UMODL1: variants seen among roughly 807,000 people sequenced by gnomAD.
UMODL1 encodes uromodulin like 1, also known as uromodulin-like 1.
In UMODL1, 128 loss-of-function variants were observed where a neutral mutation model predicts 136.3. The observed-to-expected ratio is 0.94, with a 90% CI of 0.81 to 1.09. The LOEUF is 1.09. UMODL1 is among the 50% of genes least tolerant of loss of function. The pLI, the probability that UMODL1 is intolerant of heterozygous loss-of-function variation, is 0.00. For synonymous variants in UMODL1, 721 were observed against 720.0 expected (o/e 1.00, Z -0.02); for missense variants, 1,766 against 1,725.6 (o/e 1.02, Z -0.41).
intron 17 of UMODL1, among the ~76,000 whole-genome samples, chr21:42,124,798 AG>A (rs2123356376): frequency 6.6e-6 from 1 of 152,248 alleles, no homozygotes; most frequent in Admixed American, 6.5e-5. Context: ...TTCTAAAAAA[AG>A]GGATTGGTTG....
At chr21:42,090,942 T>C (rs1001412619) in intron 6 of UMODL1, among the ~76,000 whole-genome samples, 5 of 152,342 alleles carry the variant, frequency 3.3e-5, no homozygotes, top group African/African-American at 1.2e-4. Flanking sequence ...ATTAAATGAG[T>C]GCCGGCAGTG....
chr21:42,086,897 C>T (rs1417507723), intron 4 of UMODL1, among the ~76,000 whole-genome samples: 2 of 152,184 alleles, frequency 1.3e-5, no homozygotes, highest in African/African-American at 2.4e-5. Flanking sequence ...ACTCAGGAGG[C>T]GGAGGTTGCA....
At chr21:42,103,287 T>G in intron 8 of UMODL1, 1 of 205,702 alleles carries the variant, frequency 4.9e-6, no homozygotes, top group Non-Finnish European at 1.0e-5. Context: ...AGGAATCTGG[T>G]TTTCAATGTT....
At chr21:42,092,601 T>C (rs2066505080) in intron 6 of UMODL1, among the ~76,000 whole-genome samples, 1 of 152,246 alleles carries the variant, frequency 6.6e-6, no homozygotes, top group Non-Finnish European at 1.5e-5. Flanking sequence ...TTCAAGAGTC[T>C]GGAACTGTAA....
intron 2 of UMODL1, among the ~76,000 whole-genome samples, chr21:42,082,186 G>A (rs1418311674): frequency 6.6e-6 from 1 of 152,186 alleles, no homozygotes; most frequent in Non-Finnish European, 1.5e-5. Flanking sequence ...CCCTGCTCTG[G>A]CCAGCTGAGC....
Position 42,127,260 on chromosome 21 carries a change from A to T in UMODL1, c.3530+18A>T. 1.2e-6 allele frequency: 2 copies of T among 1,605,160 alleles called. No individual in the cohort carries two copies. Among genetic ancestry groups the T allele is most frequent in the South Asian group, 2.2e-5 (2 of 90,878 alleles). Reference sequence around the variant, plus strand: ...AACAACAGGTAGGGCTCAGGAGTGCAGGCACCCCCATCCAGCAATGCCTGG... The same window carrying T: ...AACAACAGGTAGGGCTCAGGAGTGCTGGCACCCCCATCCAGCAATGCCTGG... On this transcript the variant is annotated intron_variant, in intron 19 of 22. Coordinates refer to ENST00000408910, the MANE Select transcript of UMODL1 (RefSeq NM_001004416.3).
intron 20 of UMODL1, 88 bp downstream of exon 20, chr21:42,127,919 C>T: frequency 6.4e-6 from 10 of 1,563,216 alleles, no homozygotes; most frequent in Non-Finnish European, 8.8e-6. Context: ...AAACCTAGGG[C>T]TCGAGTGGCT....
At chr21:42,087,534 G>A (rs2066439997) in intron 4 of UMODL1, among the ~76,000 whole-genome samples, 1 of 152,220 alleles carries the variant, frequency 6.6e-6, no homozygotes, top group Admixed American at 6.5e-5. Flanking sequence ...CATATGAAAT[G>A]AGGAAAGTGA....
intron 13 of UMODL1, among the ~76,000 whole-genome samples, chr21:42,115,101 C>T (rs1028215800): frequency 1.3e-5 from 2 of 152,220 alleles, no homozygotes; most frequent in Non-Finnish European, 2.9e-5. Context: ...GGGAGATGGA[C>T]TCTAAGCCCC....
chr21:42,069,269 A>ACACAC (rs1171449440), upstream of UMODL1, among the ~76,000 whole-genome samples: 82 of 46,638 alleles, frequency 1.8e-3, no homozygotes, highest in East Asian at 2.4e-3. Flanking sequence ...CACACACACA[A>ACACAC]ACAGCAGGGG....
intron 21 of UMODL1, among the ~76,000 whole-genome samples, chr21:42,135,962 C>T (rs1189619610): frequency 6.6e-6 from 1 of 152,150 alleles, no homozygotes; most frequent in Non-Finnish European, 1.5e-5. Flanking sequence ...CTCAGATGCT[C>T]CTGGTTGCAC....
rs779079368 is a variant in UMODL1 at position 42,102,210 on chromosome 21, C to G, written c.1231C>G (p.Leu411Val). Reference protein sequence around the residue: ...EVTIKIVNHNLTEKLLNRSSV... With the variant: ...EVTIKIVNHNVTEKLLNRSSV... ...CACAATAAAGATTGTAAACCACAAC[C>G]TGACGGAGAAGTTACTCAACCGCAG... is the stretch of plus-strand genomic sequence containing the variant. Residue 411 changes from leucine (L) to valine (V), a missense_variant, in exon 8 of 23, where the codon CTG becomes GTG. Transcript: ENST00000408910. 2 of 1,613,828 alleles carry G rather than the reference C, an allele frequency of 1.2e-6. No individual in the cohort carries two copies. The highest frequency in any genetic ancestry group is 1.7e-5 in the Admixed American group (1 of 60,014).
At chr21:42,137,787 G>C (rs1180702250) in intron 22 of UMODL1, 146 bp downstream of exon 22, 1 of 1,019,134 alleles carries the variant, frequency 9.8e-7, no homozygotes, top group African/African-American at 1.7e-5. Context: ...TGGGGTAGGA[G>C]GTGCAGGCTG....
intron 15 of UMODL1, 172 bp from the exon 16 acceptor site, chr21:42,120,915 C>A (rs2066961459): frequency 2.7e-6 from 2 of 743,760 alleles, no homozygotes; most frequent in South Asian, 2.1e-5. Context: ...CATTCCCAGC[C>A]CCAGCTTCAG....
At chr21:42,129,936 C>T in intron 21 of UMODL1, 139 bp downstream of exon 21, 2 of 631,948 alleles carry the variant, frequency 3.2e-6, no homozygotes, top group Middle Eastern at 2.5e-4. Context: ...AACAGAAATA[C>T]TCATAGTTAG....
chr21:42,066,980 T>G (rs1305035870), upstream of UMODL1, among the ~76,000 whole-genome samples: 3 of 147,908 alleles, frequency 2.0e-5, no homozygotes, highest in African/African-American at 7.4e-5. Flanking sequence ...TTTCTTTCTT[T>G]TTTTTTTTTT....
intron 22 of UMODL1, among the ~76,000 whole-genome samples, chr21:42,141,441 G>A (rs1397449326): frequency 1.3e-5 from 2 of 152,214 alleles, no homozygotes; most frequent in Non-Finnish European, 2.9e-5. Flanking sequence ...ATAGAGTTAC[G>A]AGGAAATGTC....
chr21:42,073,576 A>G (rs2066255839), intron 1 of UMODL1, among the ~76,000 whole-genome samples: 1 of 152,180 alleles, frequency 6.6e-6, no homozygotes, highest in Non-Finnish European at 1.5e-5. Flanking sequence ...TGTGTGGTCC[A>G]GCACCTGTGT....
rs555388547 is a variant in UMODL1 at position 42,103,655 on chromosome 21, C to T, written c.1300-213C>T. ...GTGGTCACTGTGAGTCCCCAGCACA[C>T]ACCAGGCCAGGCCCGGCCGTCCCAG... On this transcript the variant is annotated intron_variant, in intron 8 of 22. Transcript: ENST00000408910. 1.2e-4 allele frequency: 85 copies of T among 689,288 alleles called. 2 individuals are homozygous for T. Among genetic ancestry groups the T allele is most frequent in the South Asian group, 1.2e-3 (80 of 66,550 alleles). 42.7% of individuals were successfully genotyped at this position (689,288 alleles called of 1,614,324 possible).
Sources: allele counts gnomAD v4.1 joint callset (sites outside exome capture counted in the v4.1 genomes callset), GRCh38; gene constraint gnomAD v4.1.1; transcripts MANE v1.5; gene names NCBI Gene and HGNC (gene_info 2026-07-23, HGNC 2026-07-21).